CNTN5: variants seen among roughly 807,000 people sequenced by gnomAD.
CNTN5 encodes the protein contactin-5.
Under a neutral mutation model 129.1 loss-of-function variants are expected in CNTN5, and 77 were observed. The observed-to-expected ratio is 0.60, with a 90% CI of 0.50 to 0.72. The LOEUF is 0.72. CNTN5 is among the 30% of genes least tolerant of loss of function. CNTN5 has a pLI of 0.00. For missense variants in CNTN5, 1,478 were observed against 1,328.8 expected (o/e 1.11, Z -1.75); for synonymous variants, 509 against 465.6 (o/e 1.09, Z -1.20).
intron 3 of CNTN5, among the ~76,000 whole-genome samples, chr11:99,654,759 C>A (rs1010933229): frequency 6.6e-6 from 1 of 151,678 alleles, no homozygotes; most frequent in African/African-American, 2.4e-5. Flanking sequence ...ATCAATTAAA[C>A]AAATCTTAGA....
chr11:100,289,423 G>A (rs1472968224), intron 18 of CNTN5, among the ~76,000 whole-genome samples: 3 of 150,514 alleles, frequency 2.0e-5, no homozygotes, highest in Non-Finnish European at 1.5e-5. Flanking sequence ...GATCACGTGG[G>A]CTTCACCCCT....
intron 8 of CNTN5, among the ~76,000 whole-genome samples, chr11:99,999,555 A>C (rs1261755135): frequency 1.3e-5 from 2 of 152,308 alleles, no homozygotes; most frequent in Admixed American, 6.5e-5. Context: ...TTACACTCTT[A>C]GTGGGACTGT....
At chr11:99,512,109 C>T (rs1484455139) in intron 2 of CNTN5, among the ~76,000 whole-genome samples, 6 of 152,100 alleles carry the variant, frequency 3.9e-5, no homozygotes, top group African/African-American at 1.2e-4. Context: ...ACATTCACTC[C>T]CATTCACTCC....
At chr11:99,115,411 A>C (rs189734061) in intron 1 of CNTN5, among the ~76,000 whole-genome samples, 68 of 152,304 alleles carry the variant, frequency 4.5e-4, no homozygotes, top group Non-Finnish European at 8.4e-4. Flanking sequence ...ATTTAGAGGT[A>C]AAATATAAAT....
chr11:99,485,908 A>G (rs1945792526), intron 2 of CNTN5, among the ~76,000 whole-genome samples: 1 of 152,056 alleles, frequency 6.6e-6, no homozygotes, highest in Admixed American at 6.6e-5. Flanking sequence ...GAAAAGCTAT[A>G]AAAACCTTTC....
intron 18 of CNTN5, among the ~76,000 whole-genome samples, chr11:100,287,109 A>G (rs1950814623): frequency 6.6e-6 from 1 of 152,222 alleles, no homozygotes; most frequent in Admixed American, 6.5e-5. Flanking sequence ...GGACTATGTG[A>G]AAAGACCAAA....
chr11:99,764,842 C>T (rs1944700024), intron 3 of CNTN5, among the ~76,000 whole-genome samples: 1 of 152,118 alleles, frequency 6.6e-6, no homozygotes, highest in Non-Finnish European at 1.5e-5. Context: ...CTAGTAAACG[C>T]ATATGGCTGT....
In CNTN5 at chr11:99,315,892, A is replaced by G. The variant is rs1334797185; in HGVS notation, c.-209-9454A>G. Among the ~76,000 whole-genome samples the G allele has an allele frequency of 1.1e-4, 15 of 134,534 alleles. 1 individual carries two copies. The highest frequency in any genetic ancestry group is 3.4e-4 in the African/African-American group (13 of 38,740). 88.3% of individuals were successfully genotyped at this position (134,534 alleles called of 152,430 possible). A position where few individuals can be genotyped will look rare whatever the true frequency, so the allele number is the denominator to read the frequency against. On this transcript the variant is annotated intron_variant, in intron 1 of 24. Transcript: ENST00000524871. ...TAGCAAGAGTTGAATGATAGAAAGA[A>G]GAGACAATAGAATGACACAAATTAT... is the stretch of plus-strand genomic sequence containing the variant.
At chr11:99,066,534 C>A (rs1308725012) in intron 1 of CNTN5, among the ~76,000 whole-genome samples, 1 of 152,094 alleles carries the variant, frequency 6.6e-6, no homozygotes, top group Non-Finnish European at 1.5e-5. Flanking sequence ...AATTGTCCAT[C>A]CTTTAAAAAC....
chr11:100,190,217 C>CA (rs2138498739), intron 13 of CNTN5, among the ~76,000 whole-genome samples: 1 of 152,172 alleles, frequency 6.6e-6, no homozygotes, highest in South Asian at 2.1e-4. Flanking sequence ...TTAAAGTTCA[C>CA]AGGGGCTACT....
intron 2 of CNTN5, among the ~76,000 whole-genome samples, chr11:99,493,909 A>G (rs1474497360): frequency 6.6e-6 from 1 of 152,214 alleles, no homozygotes; most frequent in African/African-American, 2.4e-5. Context: ...AAAGCAATCT[A>G]TATAGTCATG....
chr11:100,298,416 T>C (rs1951142511), intron 19 of CNTN5, among the ~76,000 whole-genome samples: 1 of 151,502 alleles, frequency 6.6e-6, no homozygotes, highest in East Asian at 1.9e-4. Context: ...GAATTGCCTT[T>C]CCATGTAAGC....
intron 3 of CNTN5, 95 bp from the exon 4 acceptor site, chr11:99,819,449 G>A: frequency 9.2e-7 from 1 of 1,081,684 alleles, no homozygotes; most frequent in South Asian, 1.5e-5. Context: ...TCCAAAGAAG[G>A]TTTTTAGTAA....
At chr11:99,579,073 T>C (rs1410500728) in intron 3 of CNTN5, among the ~76,000 whole-genome samples, 2 of 152,128 alleles carry the variant, frequency 1.3e-5, no homozygotes, top group South Asian at 2.1e-4. Flanking sequence ...CCCAGCACCA[T>C]TTATTAAATA....
At chr11:99,224,094 C>CT (rs756556308) in intron 1 of CNTN5, among the ~76,000 whole-genome samples, 4 of 152,094 alleles carry the variant, frequency 2.6e-5, no homozygotes, top group Non-Finnish European at 5.9e-5. Context: ...TGGAACAATA[C>CT]TTTAAGATAA....
intron 2 of CNTN5, among the ~76,000 whole-genome samples, chr11:99,501,125 AAC>A (rs1212361828): frequency 6.6e-6 from 1 of 152,310 alleles, no homozygotes; most frequent in African/African-American, 2.4e-5. Flanking sequence ...TCAGAAATAA[AAC>A]ACTATAAATA....
At chr11:99,763,278 C>A (rs769586424) in intron 3 of CNTN5, among the ~76,000 whole-genome samples, 1 of 152,030 alleles carries the variant, frequency 6.6e-6, no homozygotes, top group East Asian at 1.9e-4. Flanking sequence ...ACACTGTAGT[C>A]CATCCTTTAC....
chr11:99,217,054 C>T (rs896185865), intron 1 of CNTN5, among the ~76,000 whole-genome samples: 2 of 152,100 alleles, frequency 1.3e-5, no homozygotes, highest in Non-Finnish European at 2.9e-5. Flanking sequence ...GTGGCATGTG[C>T]CTGTAGTCCC....
At position 99,280,920 on chromosome 11, in the gene CNTN5, A is replaced by G. The variant is rs532634833; in HGVS notation, c.-209-44426A>G. On this transcript the variant is annotated intron_variant, in intron 1 of 24. Coordinates refer to ENST00000524871, the MANE Select transcript of CNTN5 (RefSeq NM_014361.4). Reference sequence around the variant, plus strand: ...ATATTGAATATATTTACAGTTATATATAACAACATCAAGGAATCAAGGAAA... The same window carrying G: ...ATATTGAATATATTTACAGTTATATGTAACAACATCAAGGAATCAAGGAAA... Among the ~76,000 whole-genome samples the G allele has an allele frequency of 3.9e-5, 6 of 151,906 alleles. No homozygotes were observed. The South Asian group carries it at 1.2e-3, about 31-fold the overall frequency.
Sources: allele counts gnomAD v4.1 joint callset (sites outside exome capture counted in the v4.1 genomes callset), GRCh38; gene constraint gnomAD v4.1.1; transcripts MANE v1.5; gene names NCBI Gene and HGNC (gene_info 2026-07-23, HGNC 2026-07-21).